The following TRPM1 variants were observed in gnomAD, a reference collection of about 807,000 sequenced individuals.
TRPM1 encodes transient receptor potential cation channel subfamily M member 1, also known as TRPM1-203 APA Isoform, Intron 10.
A neutral mutation model predicts 149.4 loss-of-function variants in TRPM1; 113 were observed. That is an observed-to-expected ratio of 0.76 (90% CI 0.65 to 0.88). The LOEUF (loss-of-function observed/expected upper bound fraction) is 0.88. Among genes scored for constraint, TRPM1 ranks in the 40% least tolerant of loss-of-function variants. The pLI is 0.00. For missense variants in TRPM1, 1,976 were observed against 2,038.7 expected (o/e 0.97, Z 0.59); for synonymous variants, 741 against 759.5 (o/e 0.98, Z 0.40).
chr15:31,154,722 C>T (rs768475578), intron 1 of TRPM1, among the ~76,000 whole-genome samples: 1 of 152,166 alleles, frequency 6.6e-6, no homozygotes, highest in Non-Finnish European at 1.5e-5. Flanking sequence ...AAGATTCTGA[C>T]CCTCCCTAAA....
intron 1 of TRPM1, among the ~76,000 whole-genome samples, chr15:31,113,376 A>T (rs538465950): frequency 6.6e-6 from 1 of 151,544 alleles, no homozygotes; most frequent in Non-Finnish European, 1.5e-5. Flanking sequence ...GTCACAACCA[A>T]CGGGGTTCTC....
chr15:31,009,550 C>A (rs1038808997), intron 27 of TRPM1, among the ~76,000 whole-genome samples: 5 of 152,088 alleles, frequency 3.3e-5, no homozygotes, highest in Admixed American at 6.5e-5. Flanking sequence ...TCCTATTTAG[C>A]ATTCTCTACA....
At position 31,040,498 on chromosome 15, in the gene TRPM1, G is replaced by C; in HGVS notation, c.2088-152C>G. 2.8e-6 allele frequency: 2 copies of C among 720,636 alleles called. No individual in the cohort carries two copies. The highest frequency in any genetic ancestry group is 4.8e-6 in the Non-Finnish European group (2 of 417,428). The allele number at this position is 720,636 out of a possible 1,614,324, so 44.6% of individuals were successfully genotyped here. Reference sequence around the variant, plus strand: ...TTCTCTGCAAGCAAGAAGCTCCAGGGATGTGTCCCCAAAGGGGGAAGGCCA... The same window carrying C: ...TTCTCTGCAAGCAAGAAGCTCCAGGCATGTGTCCCCAAAGGGGGAAGGCCA... On this transcript the variant is annotated intron_variant, in intron 17 of 27. Coordinates refer to ENST00000256552, the MANE Select transcript of TRPM1 (RefSeq NM_001252024.2). The surrounding 1 kb of genome is among the most constrained non-coding windows in gnomAD (Gnocchi z 4.2).
intron 1 of TRPM1, among the ~76,000 whole-genome samples, chr15:31,112,940 A>C (rs770248108): frequency 6.6e-6 from 1 of 152,188 alleles, no homozygotes; most frequent in Non-Finnish European, 1.5e-5. Flanking sequence ...ATTTCACATA[A>C]CGAAAGTATC....
At chr15:31,022,216 T>A (rs867478101) in intron 27 of TRPM1, among the ~76,000 whole-genome samples, 6 of 152,192 alleles carry the variant, frequency 3.9e-5, no homozygotes, top group South Asian at 2.1e-4. Context: ...TGCTCCGTAG[T>A]GGATGTGCAG....
intron 17 of TRPM1, among the ~76,000 whole-genome samples, chr15:31,041,360 C>T (rs2033611236): frequency 6.6e-6 from 1 of 152,116 alleles, no homozygotes; most frequent in Non-Finnish European, 1.5e-5. Context: ...CCATGTTAGC[C>T]AGGATGGTCT....
chr15:31,056,339 A>G (rs1001148782), intron 11 of TRPM1, among the ~76,000 whole-genome samples: 1 of 152,224 alleles, frequency 6.6e-6, no homozygotes, highest in African/African-American at 2.4e-5. Flanking sequence ...TTAAATGTCT[A>G]CATGTGTGAA....
chr15:31,136,839 T>A (rs1015728689), intron 1 of TRPM1, among the ~76,000 whole-genome samples: 3 of 150,094 alleles, frequency 2.0e-5, no homozygotes, highest in Admixed American at 6.7e-5. Context: ...ATTGCCCAAT[T>A]CTAGAATTGC....
chr15:31,117,572 C>T (rs1341635895), intron 1 of TRPM1, among the ~76,000 whole-genome samples: 5 of 151,524 alleles, frequency 3.3e-5, no homozygotes, highest in Non-Finnish European at 5.9e-5. Flanking sequence ...TGCTTGAACC[C>T]GGTAGGTGGA....
intron 27 of TRPM1, among the ~76,000 whole-genome samples, chr15:31,012,976 C>CTTTTTTTTTTTCTTTTTT (rs980402243): frequency 8.4e-6 from 1 of 119,732 alleles, no homozygotes; most frequent in South Asian, 2.9e-4. Flanking sequence ...CTTTCTTTTT[C>CTTTTTTTTTTTCTTTTTT]TTTTTTTTTT....
chr15:31,112,292 A>T (rs1426369295), intron 1 of TRPM1, among the ~76,000 whole-genome samples: 1 of 152,156 alleles, frequency 6.6e-6, no homozygotes, highest in African/African-American at 2.4e-5. Flanking sequence ...CAGCCTGACC[A>T]ACATAGAGAA....
chr15:31,043,090 G>A (rs2140931582), intron 16 of TRPM1, among the ~76,000 whole-genome samples: 2 of 152,356 alleles, frequency 1.3e-5, no homozygotes, highest in Middle Eastern at 6.8e-3. Context: ...GAATAACTCA[G>A]CCACATTCAC....
chr15:31,029,695 A>G (rs1017611127), intron 23 of TRPM1, among the ~76,000 whole-genome samples: 1 of 152,238 alleles, frequency 6.6e-6, no homozygotes, highest in East Asian at 1.9e-4. Context: ...TGAAAAAGAC[A>G]TGATGTTACT....
chr15:31,048,301 T>G (rs2033841248), intron 13 of TRPM1, among the ~76,000 whole-genome samples: 1 of 152,294 alleles, frequency 6.6e-6, no homozygotes, highest in South Asian at 2.1e-4. Context: ...GTTTTTTTCT[T>G]GAACTCTTCG....
chr15:31,123,110 A>G (rs1351818777), intron 1 of TRPM1, among the ~76,000 whole-genome samples: 2 of 152,234 alleles, frequency 1.3e-5, no homozygotes, highest in African/African-American at 4.8e-5. Context: ...CTTTTCAACA[A>G]ATGATGCTGG....
chr15:31,003,555 C>T (rs1426633115), intron 27 of TRPM1, among the ~76,000 whole-genome samples: 2 of 152,162 alleles, frequency 1.3e-5, no homozygotes, highest in African/African-American at 2.4e-5. Flanking sequence ...ATCATGCTGC[C>T]TGTAGTAATA....
chr15:31,032,304 C>G (rs543747171), intron 22 of TRPM1, among the ~76,000 whole-genome samples: 6 of 151,800 alleles, frequency 4.0e-5, no homozygotes, highest in African/African-American at 1.5e-4. Context: ...AAAAAACAAA[C>G]GTAATTAGTC....
intron 1 of TRPM1, among the ~76,000 whole-genome samples, chr15:31,118,148 C>T (rs969063465): frequency 5.3e-5 from 8 of 152,106 alleles, no homozygotes; most frequent in African/African-American, 1.7e-4. Context: ...AATCTCACTA[C>T]TCGGGCAGCT....
chr15:31,037,952 C>A (rs913875917), intron 19 of TRPM1, 92 bp downstream of exon 19: 15 of 1,611,530 alleles, frequency 9.3e-6, no homozygotes, highest in African/African-American at 1.3e-5. Flanking sequence ...TACCTTTAAC[C>A]AGTGAGATTT....
Sources: gnomAD v4.1 joint callset for allele counts (sites outside exome capture counted in the v4.1 genomes callset) on GRCh38, gnomAD v4.1.1 for gene constraint, Gnocchi (gnomAD v3.1) non-coding constraint, MANE v1.5 for transcripts, NCBI Gene and HGNC (gene_info 2026-07-23, HGNC 2026-07-21) for gene names.